The following KANK1 variants were observed in gnomAD, a reference collection of about 807,000 sequenced individuals.
KANK1 encodes KN motif and ankyrin repeat domain-containing protein 1.
In KANK1, 109 loss-of-function variants were observed where a neutral mutation model predicts 106.2. The observed-to-expected ratio is 1.03, with a 90% CI of 0.88 to 1.20. The LOEUF is 1.20. Ranked by LOEUF, KANK1 falls within the 50% of genes most tolerant of loss-of-function variation. KANK1 has a pLI of 0.00. For synonymous variants in KANK1, 873 were observed against 652.2 expected, an observed-to-expected ratio of 1.34 and a Z score of -5.16; for missense variants, 2,399 against 1,710.7, an observed-to-expected ratio of 1.40 and a Z score of -7.10.
intron 1 of KANK1, among the ~76,000 whole-genome samples, chr9:520,235 G>C (rs748133405): frequency 2.0e-5 from 3 of 151,824 alleles, no homozygotes; most frequent in Non-Finnish European, 4.4e-5. Context: ...CTACCTGGGA[G>C]GTGGAGGTGG....
At chr9:718,043 A>G (rs1471932555) in intron 3 of KANK1, among the ~76,000 whole-genome samples, 2 of 152,232 alleles carry the variant, frequency 1.3e-5, no homozygotes, top group South Asian at 4.1e-4. Flanking sequence ...TAGACAAGAG[A>G]TCTGAGCCAA....
rs909558179 is a variant in KANK1 at position 521,765 on chromosome 9, ACCATGGTGG to A, written c.-84+17015_-84+17023del. ...GTATTATTGGTAGAGATGGGGTTTC[ACCATGGTGG>A]CCAGGCTGGTCTCGAACTCCTGACC... On this transcript the variant is annotated intron_variant, in intron 1 of 11. Coordinates refer to ENST00000382297, the MANE Select transcript of KANK1 (RefSeq NM_015158.5). Among the ~76,000 whole-genome samples the A allele has an allele frequency of 1.9e-4, 29 of 151,314 alleles. 1 individual carries two copies. The East Asian group carries it at 3.1e-3, about 16-fold the overall frequency.
chr9:559,997 TC>T (rs1208496818), intron 1 of KANK1, among the ~76,000 whole-genome samples: 1 of 152,218 alleles, frequency 6.6e-6, no homozygotes, highest in Non-Finnish European at 1.5e-5. Context: ...AAGAGAAGTT[TC>T]CATCTGACTC....
In KANK1 at chr9:712,820, A is replaced by C. The variant is rs774662590; in HGVS notation, c.2054A>C (p.Asn685Thr). 1 of 1,613,782 alleles carries C rather than the reference A, an allele frequency of 6.2e-7. No individual in the cohort carries two copies. Residue 685 changes from asparagine (N) to threonine (T), a missense_variant, in exon 3 of 12, where the codon AAC becomes ACC. Transcript: ENST00000382297. Reference sequence around the variant, plus strand: ...TTGGAACAGGTGCACCAGTTCACCAACACCGAGACGGCCACCCTCATAGAG... The same window carrying C: ...TTGGAACAGGTGCACCAGTTCACCACCACCGAGACGGCCACCCTCATAGAG... ...TDLEQVHQFT[N>T]TETATLIESC...
intron 1 of KANK1, among the ~76,000 whole-genome samples, chr9:528,469 C>CTTTTTTTTTTTTTTTTTTTTTTTTTTT (rs36072780): frequency 2.4e-5 from 2 of 85,082 alleles, no homozygotes; most frequent in African/African-American, 4.2e-5. Flanking sequence ...TAAAAAATAA[C>CTTTTTTTTTTTTTTTTTTTTTTTTTTT]TTTTTTTTTT....
At chr9:609,044 C>G (rs151217292) in intron 1 of KANK1, among the ~76,000 whole-genome samples, 2 of 151,820 alleles carry the variant, frequency 1.3e-5, no homozygotes, top group Admixed American at 1.3e-4. Flanking sequence ...CCTGCAAGAT[C>G]GTTGAAAATC....
At chr9:537,130 G>A (rs1309789796) in intron 1 of KANK1, among the ~76,000 whole-genome samples, 2 of 152,142 alleles carry the variant, frequency 1.3e-5, no homozygotes, top group East Asian at 1.9e-4. Context: ...TTTCATAACG[G>A]AAATACTGAA....
chr9:674,124 CTG>C (rs1426096343), intron 1 of KANK1: 2 of 152,124 alleles, frequency 1.3e-5, no homozygotes, highest in Non-Finnish European at 2.9e-5. Context: ...CCAGCAGTGA[CTG>C]TGCACACAGA....
chr9:703,375 G>C (rs10116265), intron 2 of KANK1, among the ~76,000 whole-genome samples: 95,581 of 151,884 alleles, frequency 0.63, 31,259 homozygotes, highest in Middle Eastern at 0.69. Context: ...GACTATATCT[G>C]ATTTTATTTC....
intron 6 of KANK1, chr9:733,241 T>C (rs1186189634): frequency 6.6e-6 from 1 of 152,198 alleles, no homozygotes; most frequent in Non-Finnish European, 1.5e-5. Context: ...GCTCATAAAA[T>C]AGAGAGTAGA....
chr9:533,626 G>C (rs1440666828), intron 1 of KANK1, among the ~76,000 whole-genome samples: 2 of 152,322 alleles, frequency 1.3e-5, no homozygotes, highest in South Asian at 2.1e-4. Context: ...GACTGTCCCT[G>C]GTTTGAAGGT....
At chr9:667,569 C>A (rs1319615206) in intron 1 of KANK1, among the ~76,000 whole-genome samples, 1 of 151,330 alleles carries the variant, frequency 6.6e-6, no homozygotes, top group Non-Finnish European at 1.5e-5. Flanking sequence ...TTGCTATAAA[C>A]CTCCCTCTTA....
chr9:549,094 A>C (rs553975006), intron 1 of KANK1: 2 of 145,202 alleles, frequency 1.4e-5, no homozygotes, highest in African/African-American at 2.5e-5. Flanking sequence ...TTTTTTTTCT[A>C]CTTCTTCCAC....
chr9:522,408 C>T (rs1365954082), intron 1 of KANK1, among the ~76,000 whole-genome samples: 10 of 151,558 alleles, frequency 6.6e-5, no homozygotes, highest in African/African-American at 1.7e-4. Context: ...GCACTCCTAA[C>T]GCTCCTTTCT....
intron 3 of KANK1, chr9:476,581 C>T (rs1234465268): frequency 6.6e-6 from 1 of 152,032 alleles, no homozygotes; most frequent in African/African-American, 2.4e-5. Context: ...AAGGGGAAAC[C>T]AAACCCCCTG....
At position 627,164 on chromosome 9, in the gene KANK1, G is replaced by T. The variant is rs1588377225; in HGVS notation, c.-83-49726G>T. Among the ~76,000 whole-genome samples the T allele has an allele frequency of 3.3e-5, 5 of 152,226 alleles. No homozygotes were observed. The East Asian group carries it at 7.7e-4, about 23-fold the overall frequency. On this transcript the variant is annotated intron_variant, in intron 1 of 11. Coordinates refer to ENST00000382297, the MANE Select transcript of KANK1 (RefSeq NM_015158.5). ...TCATGAAATGTAAGATACAGATTGT[G>T]CCCTAGATCCTCCTGTCCTACTCTT...
At chr9:679,701 C>A (rs1817140688) in intron 2 of KANK1, among the ~76,000 whole-genome samples, 1 of 152,054 alleles carries the variant, frequency 6.6e-6, no homozygotes, top group Admixed American at 6.6e-5. Context: ...GCCACCGCAC[C>A]CAGCTGAAAA....
intron 9 of KANK1, among the ~76,000 whole-genome samples, chr9:741,634 C>G (rs974352218): frequency 1.3e-5 from 2 of 151,806 alleles, no homozygotes; most frequent in Non-Finnish European, 2.9e-5. Flanking sequence ...ACTACAGGCG[C>G]CCACCCCCAC....
chr9:674,247 C>G (rs939496991), intron 1 of KANK1: 1 of 152,208 alleles, frequency 6.6e-6, no homozygotes, highest in Non-Finnish European at 1.5e-5. Context: ...TCCTATCCTT[C>G]TGGTGTGTCA....
Sources: allele counts gnomAD v4.1 joint callset (sites outside exome capture counted in the v4.1 genomes callset), GRCh38; gene constraint gnomAD v4.1.1; transcripts MANE v1.5; gene names NCBI Gene and HGNC (gene_info 2026-07-23, HGNC 2026-07-21).